Variants in NICN1 observed in about 807,000 individuals in gnomAD.
The protein encoded by NICN1 is nicolin 1, tubulin polyglutamylase complex subunit, also known as nicolin-1.
In NICN1, 18 loss-of-function variants were observed where a neutral mutation model predicts 26.3. The ratio of observed to expected loss-of-function variants is 0.68; its 90% CI spans 0.47 to 1.01. The LOEUF (loss-of-function observed/expected upper bound fraction) is 1.01. Among genes scored for constraint, NICN1 ranks in the 50% least tolerant of loss-of-function variants. The pLI, the probability that NICN1 is intolerant of heterozygous loss-of-function variation, is 0.00. For synonymous variants in NICN1, 109 were observed against 111.0 expected, an observed-to-expected ratio of 0.98 and a Z score of 0.11; for missense variants, 239 against 278.3, an observed-to-expected ratio of 0.86 and a Z score of 1.00.
chr3:49,424,709 G>T lies in NICN1; in HGVS notation c.*124C>A. On this transcript the variant is annotated 3_prime_UTR_variant, in exon 6 of 6. Coordinates refer to ENST00000273598, the MANE Select transcript of NICN1 (RefSeq NM_032316.3). ...TGAGAATCCTGAATCTGTGAATGTG[G>T]CCCAGACAGAACAGGCATGCAGGCA... 1.2e-6 allele frequency: 1 copy of T among 803,964 alleles called. No homozygotes were observed. Among genetic ancestry groups the T allele is most frequent in the Non-Finnish European group, 2.2e-6 (1 of 457,524 alleles). The allele number at this position is 803,964 out of a possible 1,614,324, so 49.8% of individuals were successfully genotyped here. A position where few individuals can be genotyped will look rare whatever the true frequency, so the allele number is the denominator to read the frequency against.
In NICN1 at chr3:49,425,985, G is replaced by A; in HGVS notation, c.321C>T (p.Asp107=). 1.9e-6 allele frequency: 3 copies of A among 1,604,368 alleles called. No homozygotes were observed. The highest frequency in any genetic ancestry group is 2.6e-6 in the Non-Finnish European group (3 of 1,171,576). ...GGCGTAGCTCCGATATTCTAGCCATGTCACACAGCATCTGACACACACACA... is the reference window on the plus strand; with the variant it reads ...GGCGTAGCTCCGATATTCTAGCCATATCACACAGCATCTGACACACACACA... The part of the protein sequence containing the change: ...VSLFKHQMLC[D]MARISELRLI... Residue 107 remains aspartate (D), a synonymous_variant, in exon 3 of 6, where the codon GAC becomes GAT. Transcript: ENST00000273598.
chr3:49,425,166 C>T, intron 4 of NICN1, 113 bp from the exon 5 acceptor site: 1 of 903,122 alleles, frequency 1.1e-6, no homozygotes, highest in Non-Finnish European at 1.8e-6. Context: ...ACAACATTCT[C>T]AGATGGCTTA....
At position 49,424,586 on chromosome 3, in the gene NICN1, G is replaced by GA; in HGVS notation, c.*246_*247insT. The GA allele has an allele frequency of 1.7e-6, 1 of 599,610 alleles. No homozygotes were observed. The highest frequency in any genetic ancestry group is 3.0e-6 in the Non-Finnish European group (1 of 337,348). The allele number at this position is 599,610 out of a possible 1,614,324, so 37.1% of individuals were successfully genotyped here. On this transcript the variant is annotated 3_prime_UTR_variant, in exon 6 of 6. Transcript: ENST00000273598. ...GGATTCTCAGTAAGTACAACTGACT[G>GA]GAGTGTTTTTGGGTAGAAGGAAGAA...
rs749292015 is a variant in NICN1 at position 49,429,280 on chromosome 3, C to A, written c.-41G>T. The A allele has an allele frequency of 1.3e-6, 2 of 1,550,366 alleles. No homozygotes were observed. Among genetic ancestry groups the A allele is most frequent in the Admixed American group, 1.9e-5 (1 of 53,532 alleles). On this transcript the variant is annotated 5_prime_UTR_variant, in exon 1 of 6. Transcript: ENST00000273598. ...AACTAAGTGCAACCGCCGCTCTAGG[C>A]CCCCGACCACCAGCCCTTCCCGGCA...
chr3:49,425,277 G>T, intron 4 of NICN1, 90 bp downstream of exon 4: 2 of 1,171,868 alleles, frequency 1.7e-6, no homozygotes, highest in Non-Finnish European at 2.5e-6. Context: ...CCTGGGCCCA[G>T]CCCCAGAATT....
In NICN1 at chr3:49,424,969, C is replaced by A. The variant is rs753319061; in HGVS notation, c.580G>T (p.Ala194Ser). 31 of 1,613,940 alleles carry A rather than the reference C, an allele frequency of 1.9e-5. No individual in the cohort carries two copies. The Admixed American group carries it at 4.3e-4, about 23-fold the overall frequency. The change falls in exon 5 of 6, where the codon GCA becomes TCA. Residue 194 changes from alanine (A) to serine (S), a missense_variant. Physicochemically the swap from Ala to Ser is moderately conservative, Grantham distance 99 (BLOSUM62 1). Transcript: ENST00000273598. ...TEMIRASHTS[A>S]RIGRFDVDGC... ...CTTACATCAAAGCGGCCGATCCTTG[C>A]GGAGGTGTGACTGGCCCGGATCATC...
rs374791758 is a variant in NICN1, at chr3:49,424,939, G to A, written c.600+10C>T. ...CAAAGCAAGCCAAGCAGAAGGAAGC[G>A]ATTACTTACATCAAAGCGGCCGATC... On this transcript the variant is annotated intron_variant, in intron 5 of 5. Coordinates refer to ENST00000273598, the MANE Select transcript of NICN1 (RefSeq NM_032316.3). 4.5e-5 allele frequency: 73 copies of A among 1,613,364 alleles called. 1 individual carries two copies. The highest frequency in any genetic ancestry group is 4.3e-4 in the African/African-American group (32 of 75,022).
At position 49,424,996 on chromosome 3, in the gene NICN1, C is replaced by G. The variant is rs375016292; in HGVS notation, c.553G>C (p.Glu185Gln). ...GAGGTGTGACTGGCCCGGATCATCT[C>G]TGTCAGTGCCCACATCTGCTGCACC... is the stretch of plus-strand genomic sequence containing the variant. ...SEVQQMWALTEMIRASHTSAR... is the reference protein window; with the variant it reads ...SEVQQMWALTQMIRASHTSAR... The change falls in exon 5 of 6, where the codon GAG (glutamate) becomes CAG (glutamine). Residue 185 changes from glutamate to glutamine, a missense_variant. Glu to Gln is a conservative substitution (Grantham distance 29, BLOSUM62 2). Transcript: ENST00000273598. 4.7e-5 allele frequency: 76 copies of G among 1,614,014 alleles called. No individual in the cohort carries two copies. Among genetic ancestry groups the G allele is most frequent in the Non-Finnish European group, 5.8e-5 (68 of 1,180,046 alleles).
rs190908623 is a variant in NICN1, at chr3:49,426,973, G to C, written c.133-545C>G. ...CAGCGCTCTAACCCTGGAAGAGGCA[G>C]AAAATGTACATATGAGGCCTGAAGG... On this transcript the variant is annotated intron_variant, in intron 1 of 5. Transcript: ENST00000273598. Among the ~76,000 whole-genome samples the C allele has an allele frequency of 5.3e-5, 8 of 152,242 alleles. No homozygotes were observed. In the East Asian group the frequency reaches 1.5e-3, roughly 29 times the overall value.
rs776711848 is a variant in NICN1 at position 49,422,590 on chromosome 3, C to T, written c.*2243G>A. 10 of 920,804 alleles carry T rather than the reference C, an allele frequency of 1.1e-5. No homozygotes were observed. Among genetic ancestry groups the T allele is most frequent in the Admixed American group, 2.0e-5 (1 of 50,192 alleles). The allele number at this position is 920,804 out of a possible 1,614,324, so 57.0% of individuals were successfully genotyped here. A position where few individuals can be genotyped will look rare whatever the true frequency, so the allele number is the denominator to read the frequency against. ...AAGGGGGCGTGGGCAGCCCCAAGGGCAGGCTGGGATTTAGAGCAGAGAATG... is the reference window on the plus strand; with the variant it reads ...AAGGGGGCGTGGGCAGCCCCAAGGGTAGGCTGGGATTTAGAGCAGAGAATG... On this transcript the variant is annotated 3_prime_UTR_variant, in exon 6 of 6. Coordinates refer to ENST00000273598, the MANE Select transcript of NICN1 (RefSeq NM_032316.3).
chr3:49,427,132 T>C (rs1307889274), intron 1 of NICN1, among the ~76,000 whole-genome samples: 1 of 151,902 alleles, frequency 6.6e-6, no homozygotes, highest in African/African-American at 2.4e-5. Context: ...CCATCCTGGC[T>C]AACACAGTGA....
In NICN1 at chr3:49,426,409, T is replaced by C; in HGVS notation, c.152A>G (p.Lys51Arg). 6.2e-7 allele frequency: 1 copy of C among 1,614,142 alleles called. No homozygotes were observed. The highest frequency in any genetic ancestry group is 1.1e-5 in the South Asian group (1 of 91,084). ...GCTCAAAAAAGCTGTGTAGTAATTC[T>C]TAAACGTGATTTCCTGCAACTAGAA... ...APFELQEITFKNYYTAFLSIR... is the reference protein window; with the variant it reads ...APFELQEITFRNYYTAFLSIR... Residue 51 changes from lysine to arginine, a missense_variant, in exon 2 of 6, where the codon AAG becomes AGG. Coordinates refer to ENST00000273598, the MANE Select transcript of NICN1 (RefSeq NM_032316.3).
intron 1 of NICN1, among the ~76,000 whole-genome samples, chr3:49,428,516 G>A (rs568740345): frequency 6.6e-6 from 1 of 152,214 alleles, no homozygotes; most frequent in African/African-American, 2.4e-5. Flanking sequence ...GAGGTCGGGA[G>A]TTCCAGACCA....
At chr3:49,426,532 T>TC in intron 1 of NICN1, 104 bp from the exon 2 acceptor site, 1 of 653,064 alleles carries the variant, frequency 1.5e-6, no homozygotes, top group South Asian at 2.6e-5. Context: ...ACCTTTTCTT[T>TC]TTTTTTTTTT....
Position 49,424,944 on chromosome 3 carries a change from C to T in NICN1, c.600+5G>A, listed in dbSNP as rs367586899. 6.3e-5 allele frequency: 102 copies of T among 1,613,856 alleles called. No homozygotes were observed. Among genetic ancestry groups the T allele is most frequent in the Non-Finnish European group, 8.4e-5 (99 of 1,179,896 alleles). The stretch of plus-strand genomic sequence containing the variant: ...CAAGCCAAGCAGAAGGAAGCGATTA[C>T]TTACATCAAAGCGGCCGATCCTTGC... On this transcript the variant is annotated splice_donor_5th_base_variant and intron_variant, in intron 5 of 5. Coordinates refer to ENST00000273598, the MANE Select transcript of NICN1 (RefSeq NM_032316.3).
Position 49,422,830 on chromosome 3 carries a change from G to C in NICN1, c.*2003C>G, listed in dbSNP as rs2049135466. On this transcript the variant is annotated 3_prime_UTR_variant, in exon 6 of 6. Transcript: ENST00000273598. ...GGACCTCAAGAGAGTAAGGTCAAGT[G>C]GGGGTGGGGAAGGTGGGCCAGCCTG... 5.4e-6 allele frequency: 2 copies of C among 371,260 alleles called. No homozygotes were observed. The allele number at this position is 371,260 out of a possible 1,614,324, so 23.0% of individuals were successfully genotyped here. A position where few individuals can be genotyped will look rare whatever the true frequency, so the allele number is the denominator to read the frequency against.
rs529686117 is a variant in NICN1, at chr3:49,426,176, G to A, written c.309+76C>T. The A allele has an allele frequency of 1.8e-5, 26 of 1,451,272 alleles. No individual in the cohort carries two copies. The East Asian group carries it at 5.7e-4, about 32-fold the overall frequency. The allele number at this position is 1,451,272 out of a possible 1,614,324, so 89.9% of individuals were successfully genotyped here. On this transcript the variant is annotated intron_variant, in intron 2 of 5. Transcript: ENST00000273598. ...CCAGACTGGCCCCCTCTTCCCTCTT[G>A]GTATATTGATCCAATCCCCCCACCT...
chr3:49,429,252 C>A lies in NICN1; in HGVS notation c.-13G>T. 1 of 1,590,078 alleles carries A rather than the reference C, an allele frequency of 6.3e-7. No individual in the cohort carries two copies. ...AAACGCGGGACATGGTGACAGCAGC[C>A]GCAACTAAGTGCAACCGCCGCTCTA... On this transcript the variant is annotated 5_prime_UTR_variant, in exon 1 of 6. Transcript: ENST00000273598.
intron 1 of NICN1, among the ~76,000 whole-genome samples, chr3:49,426,817 A>G (rs1458027660): frequency 6.6e-6 from 1 of 152,140 alleles, no homozygotes; most frequent in Non-Finnish European, 1.5e-5. Flanking sequence ...TAAACTAACA[A>G]TTTCAACAAG....
Sources: allele counts gnomAD v4.1 joint callset (sites outside exome capture counted in the v4.1 genomes callset), GRCh38; gene constraint gnomAD v4.1.1; transcripts MANE v1.5; gene names NCBI Gene and HGNC (gene_info 2026-07-23, HGNC 2026-07-21).